The following ZCWPW1 variants were observed in gnomAD, a reference collection of about 807,000 sequenced individuals.
The protein encoded by ZCWPW1 is zinc finger CW-type and PWWP domain containing 1, also known as zinc finger CW-type PWWP domain protein 1.
In ZCWPW1, 56 loss-of-function variants were observed where a neutral mutation model predicts 81.3. The ratio of observed to expected loss-of-function variants is 0.69; its 90% CI spans 0.56 to 0.86. The LOEUF (loss-of-function observed/expected upper bound fraction) is 0.86. Ranked by LOEUF, ZCWPW1 falls within the 40% of genes least tolerant of loss-of-function variation. The pLI is 0.00. For missense variants in ZCWPW1, 650 were observed against 769.8 expected, an observed-to-expected ratio of 0.84 and a Z score of 1.84; for synonymous variants, 250 against 273.7, an observed-to-expected ratio of 0.91 and a Z score of 0.86.
rs747958089 is a variant in ZCWPW1, at chr7:100,406,754, T to C, written c.1113A>G (p.Ala371=). 5 of 1,614,044 alleles carry C rather than the reference T, an allele frequency of 3.1e-6. No individual in the cohort carries two copies. The highest frequency in any genetic ancestry group is 3.4e-6 in the Non-Finnish European group (4 of 1,180,024). Residue 371 remains alanine (A), a synonymous_variant, in exon 12 of 18, where the codon GCA becomes GCG. Transcript: ENST00000684423. The part of the protein sequence containing the change: ...VTFFGETVSR[A]WIPVNMLKNF... ...TCTTTAGCATGTTGACTGGGATCCA[T>C]GCACGAGAAACTGTTTCTCCAAAAA... is the stretch of plus-strand genomic sequence containing the variant.
chr7:100,406,353 CA>C (rs1793006420), intron 12 of ZCWPW1, among the ~76,000 whole-genome samples: 1 of 152,136 alleles, frequency 6.6e-6, no homozygotes, highest in African/African-American at 2.4e-5. Context: ...CCTCCACAAC[CA>C]AAAATTATCT....
intron 12 of ZCWPW1, among the ~76,000 whole-genome samples, 157 bp downstream of exon 12, chr7:100,406,537 G>A (rs142998431): frequency 7.2e-5 from 11 of 152,220 alleles, no homozygotes; most frequent in Admixed American, 5.2e-4. Context: ...GCAGTCCTGG[G>A]AGCAAGAAGA....
At chr7:100,427,359 T>C (rs1266231169) in intron 1 of ZCWPW1, among the ~76,000 whole-genome samples, 1 of 150,770 alleles carries the variant, frequency 6.6e-6, no homozygotes, top group African/African-American at 2.4e-5. Context: ...AGTCAGGAGT[T>C]CGGGACCAGC....
intron 6 of ZCWPW1, 116 bp downstream of exon 6, chr7:100,416,945 CAAAAA>C (rs377744181): frequency 4.2e-4 from 246 of 586,488 alleles, no homozygotes; most frequent in Admixed American, 5.0e-4. Context: ...GACTCCGTCT[CAAAAA>C]AAAAAAAAAA....
chr7:100,421,268 C>T (rs1479791919), intron 2 of ZCWPW1, among the ~76,000 whole-genome samples: 1 of 152,178 alleles, frequency 6.6e-6, no homozygotes, highest in Non-Finnish European at 1.5e-5. Flanking sequence ...GTAGTAGTAC[C>T]AGAAGCATAG....
intron 10 of ZCWPW1, among the ~76,000 whole-genome samples, chr7:100,408,320 C>A (rs975726344): frequency 6.6e-6 from 1 of 152,118 alleles, no homozygotes; most frequent in Non-Finnish European, 1.5e-5. Context: ...ACTATCAGAC[C>A]CTTTTTTCCA....
In ZCWPW1 at chr7:100,408,546, A is replaced by C; in HGVS notation, c.985T>G (p.Tyr329Asp). Reference sequence around the variant, plus strand: ...TGTGTCATAATGCCCTACCAGGGGTAACCGTATTGCTTGGCCCAGATGATG... The same window carrying C: ...TGTGTCATAATGCCCTACCAGGGGTCACCGTATTGCTTGGCCCAGATGATG... ...GSIIWAKQYGYPWWPGMIESD... is the reference protein window; with the variant it reads ...GSIIWAKQYGDPWWPGMIESD... Residue 329 changes from tyrosine (Y) to aspartate (D), a missense_variant, in exon 10 of 18, where the codon TAC becomes GAC. Physicochemically the swap from Tyr to Asp is radical, Grantham distance 160 (BLOSUM62 -3). Transcript: ENST00000684423. 6.2e-7 allele frequency: 1 copy of C among 1,613,728 alleles called. No homozygotes were observed. Among genetic ancestry groups the C allele is most frequent in the South Asian group, 1.1e-5 (1 of 91,060 alleles).
chr7:100,425,190 A>G (rs112345125), intron 1 of ZCWPW1, 54 bp from the exon 2 acceptor site: 129 of 152,304 alleles, frequency 8.5e-4, no homozygotes, highest in African/African-American at 3.0e-3. Context: ...AATATAAAAT[A>G]CCACTAACTT....
In ZCWPW1 at chr7:100,400,906, C is replaced by T; in HGVS notation, c.*108G>A. The T allele has an allele frequency of 1.6e-6, 2 of 1,236,478 alleles. No homozygotes were observed. Among genetic ancestry groups the T allele is most frequent in the Non-Finnish European group, 2.2e-6 (2 of 918,660 alleles). The allele number at this position is 1,236,478 out of a possible 1,614,324, so 76.6% of individuals were successfully genotyped here. Reference sequence around the variant, plus strand: ...ACCTGCTTTATTAACACAGAAACTGCACCACACACATTTGAACCTCATAGC... The same window carrying T: ...ACCTGCTTTATTAACACAGAAACTGTACCACACACATTTGAACCTCATAGC... On this transcript the variant is annotated 3_prime_UTR_variant, in exon 18 of 18. Transcript: ENST00000684423.
chr7:100,423,930 C>T (rs1273990637), intron 2 of ZCWPW1, among the ~76,000 whole-genome samples: 4 of 151,840 alleles, frequency 2.6e-5, no homozygotes, highest in South Asian at 2.1e-4. Flanking sequence ...ATTAGCCGGG[C>T]GTGGTGGCGG....
rs776862965 is a variant in ZCWPW1, at chr7:100,416,444, TG to T, written c.491del (p.Pro164HisfsTer18). The T allele has an allele frequency of 2.5e-6, 4 of 1,613,736 alleles. No homozygotes were observed. The Admixed American group carries it at 6.7e-5, about 27-fold the overall frequency. On this transcript the variant is annotated frameshift_variant, in exon 7 of 18. Coordinates refer to ENST00000684423, the MANE Select transcript of ZCWPW1 (RefSeq NM_001386010.1). LOFTEE classifies it high-confidence loss of function. ...AAGACACTGAAATCTCTTGAGTATG[TG>T]GTACCTCCTCTCTGAAAATGAGGTT... ...DTDNANGEEV[P>X]HTQEISVSWE...
intron 14 of ZCWPW1, 150 bp from the exon 15 acceptor site, chr7:100,403,935 T>G: frequency 1.0e-6 from 1 of 966,326 alleles, no homozygotes; most frequent in South Asian, 1.4e-5. Flanking sequence ...ATTTCCACCC[T>G]TTTCAAAGTC....
chr7:100,402,439 G>C (rs1792111199), intron 16 of ZCWPW1, 77 bp downstream of exon 16: 1 of 1,496,464 alleles, frequency 6.7e-7, no homozygotes, highest in South Asian at 1.1e-5. Context: ...GTGAGGTCCA[G>C]CTACCTGCAG....
chr7:100,409,545 C>A lies in ZCWPW1; in HGVS notation c.755-1G>T, dbSNP rs750972150. Reference sequence around the variant, plus strand: ...CACTGGACCCAGACCAGACATTGACCTGTGAGAGGAAAAAAATGAAATAAG... The same window carrying A: ...CACTGGACCCAGACCAGACATTGACATGTGAGAGGAAAAAAATGAAATAAG... On this transcript the variant is annotated splice_acceptor_variant, in intron 8 of 17. Coordinates refer to ENST00000684423, the MANE Select transcript of ZCWPW1 (RefSeq NM_001386010.1). LOFTEE classifies it high-confidence loss of function. The A allele has an allele frequency of 6.2e-7, 1 of 1,606,568 alleles. No homozygotes were observed. The highest frequency in any genetic ancestry group is 1.1e-5 in the South Asian group (1 of 90,220).
intron 13 of ZCWPW1, 49 bp from the exon 14 acceptor site, chr7:100,404,293 A>G (rs368544351): frequency 2.2e-5 from 34 of 1,550,478 alleles, no homozygotes; most frequent in Non-Finnish European, 2.9e-5. Flanking sequence ...TTTCAGGCGC[A>G]GCTTTTGCCT....
rs1439472922 is a variant in ZCWPW1, at chr7:100,405,012, C to G, written c.1254+1G>C. On this transcript the variant is annotated splice_donor_variant, in intron 13 of 17. Coordinates refer to ENST00000684423, the MANE Select transcript of ZCWPW1 (RefSeq NM_001386010.1). LOFTEE classifies it high-confidence loss of function. ...TGGGTGTGGTCTGAACACCCTCCCA[C>G]CTGAATGCTGATCTGTTCTGCCTCT... 4.3e-6 allele frequency: 7 copies of G among 1,613,302 alleles called. No individual in the cohort carries two copies. Among genetic ancestry groups the G allele is most frequent in the Non-Finnish European group, 5.9e-6 (7 of 1,179,620 alleles).
chr7:100,416,992 C>A, intron 6 of ZCWPW1, 74 bp downstream of exon 6: 6 of 1,030,226 alleles, frequency 5.8e-6, no homozygotes, highest in African/African-American at 1.6e-5. Context: ...GATAGACAGA[C>A]AGATAGATAG....
intron 17 of ZCWPW1, 125 bp downstream of exon 17, chr7:100,401,764 A>T: frequency 7.6e-7 from 1 of 1,307,726 alleles, no homozygotes. Context: ...ACGCTCTTTC[A>T]TTCTAATTTT....
chr7:100,420,550 G>T, intron 3 of ZCWPW1, 72 bp downstream of exon 3: 1 of 1,555,224 alleles, frequency 6.4e-7, no homozygotes, highest in Non-Finnish European at 8.9e-7. Context: ...ACCATCCTTT[G>T]GTGGAAAGGA....
Sources: gnomAD v4.1 joint callset for allele counts (sites outside exome capture counted in the v4.1 genomes callset) on GRCh38, gnomAD v4.1.1 for gene constraint, MANE v1.5 for transcripts, NCBI Gene and HGNC (gene_info 2026-07-23, HGNC 2026-07-21) for gene names.